The following PEAK1 variants were observed in gnomAD, a reference collection of about 807,000 sequenced individuals.
PEAK1 encodes inactive tyrosine-protein kinase PEAK1.
In PEAK1, 54 loss-of-function variants were observed where a neutral mutation model predicts 124.7. The ratio of observed to expected loss-of-function variants is 0.43; its 90% CI spans 0.35 to 0.54. PEAK1 has a LOEUF of 0.54. Among genes scored for constraint, PEAK1 ranks in the 20% least tolerant of loss-of-function variants. The pLI is 0.01. For synonymous variants in PEAK1, 719 were observed against 760.0 expected (o/e 0.95, Z 0.89); for missense variants, 2,046 against 2,134.5 (o/e 0.96, Z 0.82).
Position 77,284,046 on chromosome 15 carries a change from A to G in PEAK1, c.-422-16T>C, listed in dbSNP as rs572995706. 2.1e-5 allele frequency: 21 copies of G among 985,180 alleles called. No homozygotes were observed. In the African/African-American group the frequency reaches 3.5e-4, roughly 16 times the overall value. The allele number at this position is 985,180 out of a possible 1,614,324, so 61.0% of individuals were successfully genotyped here. A position where few individuals can be genotyped will look rare whatever the true frequency, so the allele number is the denominator to read the frequency against. On this transcript the variant is annotated splice_polypyrimidine_tract_variant and intron_variant, in intron 4 of 9. Coordinates refer to ENST00000682557, the MANE Select transcript of PEAK1 (RefSeq NM_001385026.1). ...ATTAGTCTCACTAAAGCAAGAAAAC[A>G]TGATAAACTTGGTTGAGAGTCACAG... is the stretch of plus-strand genomic sequence containing the variant.
At chr15:77,135,880 C>T (rs1339608156) in intron 8 of PEAK1, among the ~76,000 whole-genome samples, 26 of 152,128 alleles carry the variant, frequency 1.7e-4, no homozygotes, top group Admixed American at 1.7e-3. Context: ...TGCCTGGTCT[C>T]GTGTATGTCT....
chr15:77,173,130 TG>T (rs1231631410), intron 7 of PEAK1, among the ~76,000 whole-genome samples: 1 of 152,102 alleles, frequency 6.6e-6, no homozygotes, highest in African/African-American at 2.4e-5. Flanking sequence ...TATGGTGCCA[TG>T]GCTTTGATTT....
At chr15:77,262,792 G>C (rs1461329303) in intron 5 of PEAK1, among the ~76,000 whole-genome samples, 1 of 151,792 alleles carries the variant, frequency 6.6e-6, no homozygotes, top group Non-Finnish European at 1.5e-5. Context: ...CAAATCAACA[G>C]AATATACATT....
intron 6 of PEAK1, among the ~76,000 whole-genome samples, chr15:77,218,984 CAAT>C (rs2059267511): frequency 6.6e-6 from 1 of 151,864 alleles, no homozygotes; most frequent in Admixed American, 6.6e-5. Flanking sequence ...GTGAGATGAA[CAAT>C]AATATAATTT....
chr15:77,415,492 T>G (rs2072802607), intron 1 of PEAK1, among the ~76,000 whole-genome samples: 1 of 152,076 alleles, frequency 6.6e-6, no homozygotes, highest in Non-Finnish European at 1.5e-5. Flanking sequence ...AACTTCTGGG[T>G]TCAAGCGATC....
chr15:77,415,683 T>C (rs2072820258), intron 1 of PEAK1, among the ~76,000 whole-genome samples: 1 of 152,216 alleles, frequency 6.6e-6, no homozygotes. Context: ...CAAACTTATT[T>C]ACATTGCCAT....
intron 5 of PEAK1, chr15:77,255,323 T>C: frequency 1.1e-6 from 1 of 924,412 alleles, no homozygotes; most frequent in Non-Finnish European, 1.3e-6. Context: ...TTACTAACAA[T>C]GGAAATTCTG....
At chr15:77,339,452 T>C (rs1337418451) in intron 2 of PEAK1, among the ~76,000 whole-genome samples, 1 of 152,174 alleles carries the variant, frequency 6.6e-6, no homozygotes, top group Non-Finnish European at 1.5e-5. Flanking sequence ...GTTCTAAATA[T>C]TTTATAATTT....
At chr15:77,327,112 T>A (rs1435754813) in intron 2 of PEAK1, among the ~76,000 whole-genome samples, 1 of 152,116 alleles carries the variant, frequency 6.6e-6, no homozygotes, top group Non-Finnish European at 1.5e-5. Context: ...CTGGACAAAC[T>A]ACACTTTGAA....
intron 8 of PEAK1, among the ~76,000 whole-genome samples, chr15:77,151,036 G>C (rs2152770030): frequency 6.6e-6 from 1 of 152,224 alleles, no homozygotes; most frequent in South Asian, 2.1e-4. Context: ...CCAGTAATGG[G>C]ATGGCTGGGT....
intron 1 of PEAK1, among the ~76,000 whole-genome samples, chr15:77,412,937 A>G (rs2072535129): frequency 6.6e-6 from 1 of 152,224 alleles, no homozygotes; most frequent in South Asian, 2.1e-4. Context: ...GAATAATTTG[A>G]GCAACAAAAT....
chr15:77,345,335 T>A lies in PEAK1; in HGVS notation c.-603+19828A>T, dbSNP rs1202348742. Among the ~76,000 whole-genome samples, 6 of 152,222 alleles carry A rather than the reference T, an allele frequency of 3.9e-5. No individual in the cohort carries two copies. In the East Asian group the frequency reaches 1.2e-3, roughly 29 times the overall value. ...CCCTTCATTCAACTGGATAGCTTTG[T>A]AAGGCATATCTCATTCATTCAAAAA... is the stretch of plus-strand genomic sequence containing the variant. On this transcript the variant is annotated intron_variant, in intron 2 of 9. Coordinates refer to ENST00000682557, the MANE Select transcript of PEAK1 (RefSeq NM_001385026.1).
intron 7 of PEAK1, among the ~76,000 whole-genome samples, chr15:77,170,018 C>T (rs866917488): frequency 2.6e-5 from 4 of 151,844 alleles, no homozygotes; most frequent in African/African-American, 7.3e-5. Context: ...TAGGGTCATC[C>T]GAATATTTAT....
At chr15:77,322,723 C>G (rs1200682873) in intron 2 of PEAK1, among the ~76,000 whole-genome samples, 1 of 152,196 alleles carries the variant, frequency 6.6e-6, no homozygotes, top group Non-Finnish European at 1.5e-5. Context: ...GGTACCATTC[C>G]TTCTGAAACT....
At chr15:77,163,387 C>T (rs560249970) in intron 7 of PEAK1, among the ~76,000 whole-genome samples, 3 of 152,268 alleles carry the variant, frequency 2.0e-5, no homozygotes, top group African/African-American at 4.8e-5. Flanking sequence ...AAACAAATCC[C>T]TTGGAAGGTT....
intron 7 of PEAK1, among the ~76,000 whole-genome samples, chr15:77,166,996 T>C (rs565395978): frequency 6.6e-6 from 1 of 152,294 alleles, no homozygotes; most frequent in East Asian, 1.9e-4. Flanking sequence ...ATTTAATAGC[T>C]TTGGGGCATT....
chr15:77,250,626 G>A (rs937652880), intron 6 of PEAK1, among the ~76,000 whole-genome samples: 2 of 151,880 alleles, frequency 1.3e-5, no homozygotes, highest in Admixed American at 6.6e-5. Context: ...GCAGAGATAG[G>A]GTTTCACCAT....
At chr15:77,386,059 T>C (rs922864670) in intron 1 of PEAK1, among the ~76,000 whole-genome samples, 7 of 152,210 alleles carry the variant, frequency 4.6e-5, no homozygotes, top group Admixed American at 3.3e-4. Flanking sequence ...GGAGCTATTA[T>C]AGGAGGCACT....
intron 5 of PEAK1, among the ~76,000 whole-genome samples, chr15:77,280,564 CTTTTT>C (rs71447149): frequency 7.2e-6 from 1 of 138,678 alleles, no homozygotes. Context: ...AAATGATTTC[CTTTTT>C]TTTTTTTTTT....
Sources: gnomAD v4.1 joint callset for allele counts (sites outside exome capture counted in the v4.1 genomes callset) on GRCh38, gnomAD v4.1.1 for gene constraint, MANE v1.5 for transcripts, NCBI Gene and HGNC (gene_info 2026-07-23, HGNC 2026-07-21) for gene names.